Variants in LRRC7 observed in about 807,000 individuals in gnomAD.
LRRC7 encodes leucine-rich repeat-containing protein 7.
Under a neutral mutation model 175.7 loss-of-function variants are expected in LRRC7, and 23 were observed. The observed-to-expected ratio is 0.13, with a 90% CI of 0.09 to 0.19. The LOEUF (loss-of-function observed/expected upper bound fraction) is 0.19, where lower values mean the gene tolerates loss of function less well. LRRC7 is among the 10% of genes least tolerant of loss of function. The pLI is 1.00. For synonymous variants in LRRC7, 685 were observed against 680.9 expected, an observed-to-expected ratio of 1.01 and a Z score of -0.09; for missense variants, 1,354 against 1,904.7, an observed-to-expected ratio of 0.71 and a Z score of 5.38.
intron 2 of LRRC7, among the ~76,000 whole-genome samples, chr1:69,695,307 G>A (rs1399609438): frequency 1.3e-5 from 2 of 152,164 alleles, no homozygotes; most frequent in Non-Finnish European, 2.9e-5. Flanking sequence ...TCTGGCAGAA[G>A]AAATCTATAA....
At chr1:69,961,119 G>A (rs1651034313) in intron 8 of LRRC7, among the ~76,000 whole-genome samples, 1 of 152,120 alleles carries the variant, frequency 6.6e-6, no homozygotes, top group Admixed American at 6.6e-5. Context: ...AAGCTGATAA[G>A]CAACTTCAGC....
intron 7 of LRRC7, among the ~76,000 whole-genome samples, chr1:69,863,501 T>G (rs1369676335): frequency 6.6e-6 from 1 of 152,218 alleles, no homozygotes; most frequent in African/African-American, 2.4e-5. Context: ...AATTCATTCA[T>G]TAGAGCATTA....
At chr1:69,906,908 C>G (rs1397390004) in intron 7 of LRRC7, among the ~76,000 whole-genome samples, 2 of 152,110 alleles carry the variant, frequency 1.3e-5, no homozygotes, top group Admixed American at 6.5e-5. Flanking sequence ...AATGTTCTTC[C>G]ATTTGTTTGT....
At position 69,717,927 on chromosome 1, in the gene LRRC7, GA is replaced by G. The variant is rs1302253106; in HGVS notation, c.100+39453del. 8.9e-3 allele frequency among the ~76,000 whole-genome samples: 81 copies of G among 9,124 alleles called. 7 individuals are homozygous for G. The highest frequency in any genetic ancestry group is 0.028 in the African/African-American group (43 of 1,542). The allele number at this position is 9,124 out of a possible 152,430, so 6.0% of individuals were successfully genotyped here. A position where few individuals can be genotyped will look rare whatever the true frequency, so the allele number is the denominator to read the frequency against. On this transcript the variant is annotated intron_variant, in intron 2 of 26. Coordinates refer to ENST00000651989, the MANE Select transcript of LRRC7 (RefSeq NM_001370785.2). ...GGAGGGAGAGAAAGAGAGAAAAAAA[GA>G]AAAGAAAGAAAGAAAGAAAGAAAGA...
chr1:70,097,426 T>A (rs561256097), intron 25 of LRRC7, among the ~76,000 whole-genome samples: 10 of 152,350 alleles, frequency 6.6e-5, no homozygotes, highest in African/African-American at 2.4e-4. Context: ...TTAGCAGAAT[T>A]GGTTAAAGAA....
At chr1:70,054,977 A>T (rs949680972) in intron 23 of LRRC7, among the ~76,000 whole-genome samples, 4 of 152,160 alleles carry the variant, frequency 2.6e-5, no homozygotes, top group Admixed American at 6.5e-5. Context: ...ACTCTTTGTT[A>T]CTTAAGTGAT....
At chr1:69,753,296 A>ATATGTG (rs1553151117) in intron 2 of LRRC7, among the ~76,000 whole-genome samples, 6 of 146,236 alleles carry the variant, frequency 4.1e-5, no homozygotes, top group African/African-American at 1.6e-4. Flanking sequence ...GTGTGTGTGT[A>ATATGTG]TGTGTGTGTG....
chr1:70,069,717 T>C (rs976209708), intron 23 of LRRC7, among the ~76,000 whole-genome samples: 31 of 152,216 alleles, frequency 2.0e-4, no homozygotes, highest in Admixed American at 1.3e-4. Flanking sequence ...CTTTCTCTTC[T>C]CCTCATGATA....
At chr1:69,874,001 G>A (rs956486080) in intron 7 of LRRC7, 2 of 152,062 alleles carry the variant, frequency 1.3e-5, no homozygotes, top group South Asian at 2.1e-4. Flanking sequence ...TTCAGAGACC[G>A]AATATAATTG....
At chr1:69,723,845 G>A (rs376593982) in intron 2 of LRRC7, among the ~76,000 whole-genome samples, 49 of 152,178 alleles carry the variant, frequency 3.2e-4, no homozygotes, top group East Asian at 1.9e-3. Flanking sequence ...CTCTGGGGTC[G>A]TTTTTATATG....
At position 69,678,497 on chromosome 1, in the gene LRRC7, A is replaced by T; in HGVS notation, c.100+19A>T. The T allele has an allele frequency of 6.4e-7, 1 of 1,558,588 alleles. No homozygotes were observed. The highest frequency in any genetic ancestry group is 8.8e-7 in the Non-Finnish European group (1 of 1,141,186). On this transcript the variant is annotated intron_variant, in intron 2 of 26. Coordinates refer to ENST00000651989, the MANE Select transcript of LRRC7 (RefSeq NM_001370785.2). ...GAGGAGTGTAAGTATGTTTAATAGGATTACCTGTGTTCTAGATAGATTTTG... is the reference window on the plus strand; with the variant it reads ...GAGGAGTGTAAGTATGTTTAATAGGTTTACCTGTGTTCTAGATAGATTTTG...
intron 7 of LRRC7, among the ~76,000 whole-genome samples, chr1:69,907,586 C>A (rs1161740838): frequency 1.3e-5 from 2 of 152,160 alleles, no homozygotes; most frequent in Non-Finnish European, 2.9e-5. Flanking sequence ...TATGTTGAAC[C>A]AGCCTTGCAT....
chr1:69,768,259 A>G (rs1423877206), intron 3 of LRRC7, among the ~76,000 whole-genome samples: 1 of 152,150 alleles, frequency 6.6e-6, no homozygotes, highest in Non-Finnish European at 1.5e-5. Context: ...GGCTCTGACA[A>G]CTGTGCTGGA....
At chr1:69,604,921 A>G (rs1647286711) in intron 1 of LRRC7, among the ~76,000 whole-genome samples, 1 of 152,198 alleles carries the variant, frequency 6.6e-6, no homozygotes, top group Non-Finnish European at 1.5e-5. Flanking sequence ...AAATGTTAAA[A>G]CTAGTCTTCC....
chr1:70,066,582 T>C (rs1661992777), intron 23 of LRRC7, among the ~76,000 whole-genome samples: 1 of 152,080 alleles, frequency 6.6e-6, no homozygotes, highest in African/African-American at 2.4e-5. Context: ...TATTGCTGCA[T>C]AGTATTCCAT....
chr1:69,654,115 AT>A (rs928157189), intron 1 of LRRC7, among the ~76,000 whole-genome samples: 256 of 146,702 alleles, frequency 1.7e-3, no homozygotes, highest in Admixed American at 2.3e-3. Context: ...CATGTTATTT[AT>A]TTTTTTTTTT....
intron 1 of LRRC7, 119 bp downstream of exon 1, chr1:69,568,760 G>GC: frequency 2.1e-6 from 1 of 478,998 alleles, no homozygotes; most frequent in Non-Finnish European, 3.0e-6. Flanking sequence ...GGCAGGGCGG[G>GC]AGGCTTCGGC....
intron 7 of LRRC7, among the ~76,000 whole-genome samples, chr1:69,892,181 A>G (rs1460418893): frequency 1.3e-5 from 2 of 152,236 alleles, no homozygotes; most frequent in Non-Finnish European, 2.9e-5. Flanking sequence ...TATTGGAAAG[A>G]CGGCAGCAGC....
At chr1:69,872,500 T>C (rs1440086696) in intron 7 of LRRC7, among the ~76,000 whole-genome samples, 1 of 151,974 alleles carries the variant, frequency 6.6e-6, no homozygotes. Context: ...ATTAAAAAGG[T>C]GGTTACTTAA....
Sources: allele counts gnomAD v4.1 joint callset (sites outside exome capture counted in the v4.1 genomes callset), GRCh38; gene constraint gnomAD v4.1.1; transcripts MANE v1.5; gene names NCBI Gene and HGNC (gene_info 2026-07-23, HGNC 2026-07-21).